The following PDE4B variants were observed in gnomAD, a reference collection of about 807,000 sequenced individuals.
The protein encoded by PDE4B is phosphodiesterase 4B.
A neutral mutation model predicts 82.2 loss-of-function variants in PDE4B; 20 were observed. That is an observed-to-expected ratio of 0.24 (90% confidence interval 0.17 to 0.35). The LOEUF is 0.35. PDE4B is among the 10% of genes least tolerant of loss of function. PDE4B has a pLI of 1.00. For synonymous variants in PDE4B, 320 were observed against 318.9 expected (o/e 1.00, Z -0.04); for missense variants, 655 against 907.2 (o/e 0.72, Z 3.57).
At chr1:66,131,968 A>G (rs1295677488) in intron 3 of PDE4B, among the ~76,000 whole-genome samples, 5 of 152,116 alleles carry the variant, frequency 3.3e-5, no homozygotes, top group Non-Finnish European at 7.4e-5. Context: ...GAATAGGAAG[A>G]ACTTTGGAAA....
chr1:65,952,885 G>C (rs901507545), intron 3 of PDE4B, among the ~76,000 whole-genome samples: 1 of 152,060 alleles, frequency 6.6e-6, no homozygotes, highest in Non-Finnish European at 1.5e-5. Context: ...CAAAACGTCT[G>C]ACTCATAGGT....
chr1:66,192,615 A>G (rs1003159759), intron 3 of PDE4B, among the ~76,000 whole-genome samples: 7 of 152,178 alleles, frequency 4.6e-5, no homozygotes, highest in African/African-American at 7.2e-5. Flanking sequence ...CTCAAGAAAT[A>G]TAGGAAATAT....
chr1:66,190,127 C>T (rs1647630590), intron 3 of PDE4B, among the ~76,000 whole-genome samples: 1 of 152,208 alleles, frequency 6.6e-6, no homozygotes, highest in Non-Finnish European at 1.5e-5. Context: ...TGGGTATCAG[C>T]AGTGGAGGCT....
intron 7 of PDE4B, among the ~76,000 whole-genome samples, chr1:66,308,529 C>A (rs1658443051): frequency 6.6e-6 from 1 of 152,142 alleles, no homozygotes; most frequent in Admixed American, 6.6e-5. Context: ...TAATTACCAT[C>A]TTGACATCTT....
chr1:66,205,115 A>G (rs1570466283), intron 3 of PDE4B, among the ~76,000 whole-genome samples: 1 of 152,176 alleles, frequency 6.6e-6, no homozygotes, highest in East Asian at 1.9e-4. Context: ...CTTAAGCATT[A>G]TACTCTCTCT....
intron 8 of PDE4B, among the ~76,000 whole-genome samples, chr1:66,332,948 A>G (rs941458689): frequency 1.3e-5 from 2 of 152,238 alleles, no homozygotes; most frequent in Non-Finnish European, 2.9e-5. Context: ...AAATTTTTTT[A>G]CAATTATCAG....
At chr1:65,797,807 A>G (rs761859958) in intron 1 of PDE4B, among the ~76,000 whole-genome samples, 42 of 152,090 alleles carry the variant, frequency 2.8e-4, no homozygotes, top group Non-Finnish European at 2.2e-4. Context: ...ATTTCCTACT[A>G]CTAGGTTAGG....
At chr1:65,925,212 T>C (rs1020590285) in intron 3 of PDE4B, among the ~76,000 whole-genome samples, 5 of 152,178 alleles carry the variant, frequency 3.3e-5, no homozygotes, top group African/African-American at 1.2e-4. Context: ...TTAAGAAAAA[T>C]AGCTAATGCA....
At chr1:66,009,929 C>T (rs1038252095) in intron 3 of PDE4B, among the ~76,000 whole-genome samples, 2 of 145,970 alleles carry the variant, frequency 1.4e-5, no homozygotes, top group Non-Finnish European at 2.9e-5. Flanking sequence ...ATCTATCTAT[C>T]TATCTATCTA....
chr1:65,938,358 A>G (rs1264310186), intron 3 of PDE4B, among the ~76,000 whole-genome samples: 1 of 152,218 alleles, frequency 6.6e-6, no homozygotes, highest in African/African-American at 2.4e-5. Context: ...TGTGAGTAGT[A>G]AACTTTATTT....
chr1:65,928,365 A>G (rs556301347), intron 3 of PDE4B, among the ~76,000 whole-genome samples: 14 of 152,142 alleles, frequency 9.2e-5, no homozygotes, highest in South Asian at 4.1e-4. Flanking sequence ...CTTCCTATCA[A>G]TTTCACTTCT....
At chr1:66,095,609 T>C (rs1254350498) in intron 3 of PDE4B, among the ~76,000 whole-genome samples, 5 of 151,984 alleles carry the variant, frequency 3.3e-5, no homozygotes, top group African/African-American at 4.8e-5. Context: ...TCTGTGATAT[T>C]AATAGCCATA....
chr1:66,068,439 T>A (rs1655983140), intron 3 of PDE4B, among the ~76,000 whole-genome samples: 1 of 151,972 alleles, frequency 6.6e-6, no homozygotes. Flanking sequence ...ATCACATTTT[T>A]AAAAATCAAA....
chr1:65,937,233 G>T (rs908246105), intron 3 of PDE4B, among the ~76,000 whole-genome samples: 2 of 152,152 alleles, frequency 1.3e-5, no homozygotes, highest in Non-Finnish European at 2.9e-5. Flanking sequence ...GATGTCTAAT[G>T]TTCACTGTCT....
At chr1:66,122,731 G>A (rs1553148913) in intron 3 of PDE4B, among the ~76,000 whole-genome samples, 1 of 119,862 alleles carries the variant, frequency 8.3e-6, no homozygotes, top group South Asian at 2.6e-4. Flanking sequence ...TTGAGACAGA[G>A]TTTTCCTCCT....
chr1:65,855,207 A>G (rs1326818091), intron 1 of PDE4B, among the ~76,000 whole-genome samples: 5 of 150,892 alleles, frequency 3.3e-5, no homozygotes, highest in Admixed American at 1.3e-4. Flanking sequence ...GTTTTTATTG[A>G]CTGATATTTT....
intron 3 of PDE4B, among the ~76,000 whole-genome samples, chr1:66,197,296 A>T (rs1648403552): frequency 6.6e-6 from 1 of 152,164 alleles, no homozygotes; most frequent in Non-Finnish European, 1.5e-5. Flanking sequence ...TCTGCACCTG[A>T]AAAGGGATCG....
At chr1:66,104,280 A>G (rs189281174) in intron 3 of PDE4B, among the ~76,000 whole-genome samples, 4,305 of 151,730 alleles carry the variant, frequency 0.028, 215 homozygotes, top group African/African-American at 0.098. Context: ...AACCTTTTTT[A>G]TGGCTGCATA....
chr1:66,049,749 G>A (rs970171112), intron 3 of PDE4B, among the ~76,000 whole-genome samples: 10 of 151,960 alleles, frequency 6.6e-5, no homozygotes, highest in African/African-American at 2.2e-4. Context: ...GTATAAATGT[G>A]GAAGGCAGCA....
Sources: gnomAD v4.1 joint callset for allele counts (sites outside exome capture counted in the v4.1 genomes callset) on GRCh38, gnomAD v4.1.1 for gene constraint, MANE v1.5 for transcripts, NCBI Gene and HGNC (gene_info 2026-07-23, HGNC 2026-07-21) for gene names.